RSRC1: variants seen among roughly 807,000 people sequenced by gnomAD.
The protein encoded by RSRC1 is arginine and serine rich coiled-coil 1.
In RSRC1, 39 loss-of-function variants were observed where a neutral mutation model predicts 49.1. The ratio of observed to expected loss-of-function variants is 0.79; its 90% CI spans 0.61 to 1.04. The LOEUF is 1.04. Among genes scored for constraint, RSRC1 ranks in the 50% least tolerant of loss-of-function variants. The pLI is 0.00. For synonymous variants in RSRC1, 143 were observed against 130.8 expected (o/e 1.09, Z -0.63); for missense variants, 388 against 402.4 (o/e 0.96, Z 0.31).
intron 4 of RSRC1, among the ~76,000 whole-genome samples, chr3:158,242,680 T>C (rs1247758393): frequency 1.3e-5 from 2 of 152,170 alleles, no homozygotes; most frequent in Non-Finnish European, 1.5e-5. Context: ...TGTAAAAGTG[T>C]TCCTTTTTCT....
intron 3 of RSRC1, among the ~76,000 whole-genome samples, chr3:158,138,251 T>C (rs1189702593): frequency 6.6e-6 from 1 of 152,206 alleles, no homozygotes; most frequent in Admixed American, 6.5e-5. Context: ...GAGTGGATGA[T>C]CTGTCCATGT....
chr3:158,543,837 C>T (rs944606634), intron 9 of RSRC1: 3 of 299,712 alleles, frequency 1.0e-5, no homozygotes, highest in Non-Finnish European at 1.8e-5. Context: ...CTGAGCTCTA[C>T]TTTGTTCATT....
chr3:158,441,375 T>C (rs1468038169), intron 6 of RSRC1, among the ~76,000 whole-genome samples: 2 of 152,094 alleles, frequency 1.3e-5, no homozygotes, highest in African/African-American at 4.8e-5. Flanking sequence ...AACAAAGACT[T>C]TTTTAAATAT....
At position 158,161,627 on chromosome 3, in the gene RSRC1, C is replaced by T. The variant is rs574221179; in HGVS notation, c.320+37636C>T. ...AAATGAAAAAATTAGCTGGCAGTAA[C>T]GGCACAAGCCTGTAATCCCAGGTAC... is the stretch of plus-strand genomic sequence containing the variant. On this transcript the variant is annotated intron_variant, in intron 3 of 9. Coordinates refer to ENST00000611884, the MANE Select transcript of RSRC1 (RefSeq NM_001271838.2). Among the ~76,000 whole-genome samples, 5 of 151,952 alleles carry T rather than the reference C, an allele frequency of 3.3e-5. No individual in the cohort carries two copies. In the East Asian group the frequency reaches 5.8e-4, roughly 18 times the overall value.
At chr3:158,495,001 T>G (rs1031315408) in intron 7 of RSRC1, among the ~76,000 whole-genome samples, 26 of 152,232 alleles carry the variant, frequency 1.7e-4, no homozygotes, top group African/African-American at 5.5e-4. Flanking sequence ...CTCTACATAA[T>G]TGTATGTGCT....
At chr3:158,391,809 G>T (rs1733315800) in intron 6 of RSRC1, among the ~76,000 whole-genome samples, 1 of 152,014 alleles carries the variant, frequency 6.6e-6, no homozygotes. Flanking sequence ...GGGGTCAAAT[G>T]AAGCTTCGAC....
At chr3:158,238,095 C>T (rs1200160183) in intron 4 of RSRC1, among the ~76,000 whole-genome samples, 1 of 152,154 alleles carries the variant, frequency 6.6e-6, no homozygotes, top group African/African-American at 2.4e-5. Context: ...AGAGCAAAAT[C>T]ATGAGTGAAC....
chr3:158,346,873 A>T (rs1297277893), intron 5 of RSRC1, among the ~76,000 whole-genome samples: 1 of 152,228 alleles, frequency 6.6e-6, no homozygotes, highest in African/African-American at 2.4e-5. Context: ...ACATTTATTG[A>T]TAGTTGAATG....
At chr3:158,225,721 G>A (rs755180101) in intron 4 of RSRC1, 4 of 452,196 alleles carry the variant, frequency 8.8e-6, no homozygotes, top group African/African-American at 8.1e-5. Flanking sequence ...AAAAGTTTTA[G>A]GAAGACCAAA....
intron 6 of RSRC1, among the ~76,000 whole-genome samples, chr3:158,437,735 G>A (rs1736130177): frequency 6.6e-6 from 1 of 152,144 alleles, no homozygotes; most frequent in Admixed American, 6.6e-5. Context: ...AAAACTGGAA[G>A]CATTCCCTTT....
intron 7 of RSRC1, among the ~76,000 whole-genome samples, chr3:158,483,112 A>T (rs1401205898): frequency 6.6e-6 from 1 of 152,004 alleles, no homozygotes; most frequent in Non-Finnish European, 1.5e-5. Context: ...CACACATAAA[A>T]TCATTTTCAA....
chr3:158,185,585 A>G (rs1271592722), intron 3 of RSRC1, among the ~76,000 whole-genome samples: 1 of 151,918 alleles, frequency 6.6e-6, no homozygotes, highest in African/African-American at 2.4e-5. Context: ...ATTTAAAGTA[A>G]TGATTTCAGT....
intron 7 of RSRC1, among the ~76,000 whole-genome samples, chr3:158,517,694 G>C (rs2108485050): frequency 7.0e-6 from 1 of 142,428 alleles, no homozygotes; most frequent in South Asian, 2.3e-4. Context: ...CTGGACACAA[G>C]TGATCCACCT....
At chr3:158,321,913 G>GT (rs745735441) in intron 5 of RSRC1, among the ~76,000 whole-genome samples, 2 of 151,224 alleles carry the variant, frequency 1.3e-5, no homozygotes, top group Non-Finnish European at 2.9e-5. Context: ...TGCAATATTA[G>GT]TTTTTGCTTT....
rs542784990 is a variant in RSRC1 at position 158,369,960 on chromosome 3, C to T, written c.583+15052C>T. 2.6e-5 allele frequency among the ~76,000 whole-genome samples: 4 copies of T among 151,968 alleles called. No individual in the cohort carries two copies. The East Asian group carries it at 7.7e-4, about 29-fold the overall frequency. On this transcript the variant is annotated intron_variant, in intron 6 of 9. Transcript: ENST00000611884. ...TACAACTAGGAGAATCATAGTGTAACTTGTCTTTTTTCCTTTTTTAAAATA... is the reference window on the plus strand; with the variant it reads ...TACAACTAGGAGAATCATAGTGTAATTTGTCTTTTTTCCTTTTTTAAAATA...
At chr3:158,471,580 G>A (rs1314139469) in intron 7 of RSRC1, among the ~76,000 whole-genome samples, 4 of 152,076 alleles carry the variant, frequency 2.6e-5, no homozygotes, top group African/African-American at 9.7e-5. Context: ...TTCTGCTTGT[G>A]ATAAAGAACA....
At chr3:158,326,272 T>C (rs1300571735) in intron 5 of RSRC1, among the ~76,000 whole-genome samples, 1 of 152,190 alleles carries the variant, frequency 6.6e-6, no homozygotes, top group East Asian at 1.9e-4. Context: ...CTATGTTGAA[T>C]AGGAGTGGTG....
At chr3:158,312,844 C>T (rs9784298) in intron 5 of RSRC1, among the ~76,000 whole-genome samples, 5,217 of 152,162 alleles carry the variant, frequency 0.034, 316 homozygotes, top group African/African-American at 0.12. Flanking sequence ...GTGCTTGCTG[C>T]CTGGACTACC....
chr3:158,252,872 A>G (rs74931286), intron 4 of RSRC1, among the ~76,000 whole-genome samples: 11,640 of 152,122 alleles, frequency 0.077, 534 homozygotes, highest in South Asian at 0.13. Context: ...TTCTTGGCAT[A>G]TAGTTTCTCA....
Sources: allele counts gnomAD v4.1 joint callset (sites outside exome capture counted in the v4.1 genomes callset), GRCh38; gene constraint gnomAD v4.1.1; transcripts MANE v1.5; gene names NCBI Gene and HGNC (gene_info 2026-07-23, HGNC 2026-07-21).